ARHGEF1: variants seen among roughly 807,000 people sequenced by gnomAD.
The protein encoded by ARHGEF1 is Rho guanine nucleotide exchange factor 1, also known as 115 kDa guanine nucleotide exchange factor.
Under a neutral mutation model 119.7 loss-of-function variants are expected in ARHGEF1, and 40 were observed. That is an observed-to-expected ratio of 0.33 (90% CI 0.26 to 0.44). The LOEUF (loss-of-function observed/expected upper bound fraction) is 0.44. Ranked by LOEUF, ARHGEF1 falls within the 20% of genes least tolerant of loss-of-function variation. ARHGEF1 has a pLI of 1.00. For synonymous variants in ARHGEF1, 494 were observed against 521.0 expected (o/e 0.95, Z 0.71); for missense variants, 976 against 1,268.3 (o/e 0.77, Z 3.50).
Position 41,904,882 on chromosome 19 carries a change from G to T in ARHGEF1, c.2162-67G>T. ...CCACTGTGGGTGACTTCTCCAGCTT[G>T]TGCTTAGGGAGGGGCAGGCACTGGG... On this transcript the variant is annotated intron_variant, in intron 22 of 28. Transcript: ENST00000354532. This position sits in a 1 kb window ranked among gnomAD's most constrained non-coding sequence, Gnocchi z 8.4. The T allele has an allele frequency of 7.2e-7, 1 of 1,381,216 alleles. No homozygotes were observed. The allele number at this position is 1,381,216 out of a possible 1,614,324, so 85.6% of individuals were successfully genotyped here.
At chr19:41,896,033 G>A (rs1189476469) in intron 12 of ARHGEF1, among the ~76,000 whole-genome samples, 1 of 152,204 alleles carries the variant, frequency 6.6e-6, no homozygotes, top group Non-Finnish European at 1.5e-5. Flanking sequence ...TGGGGAGGAT[G>A]AATGGACGTG....
chr19:41,904,177 G>A lies in ARHGEF1; in HGVS notation c.1994-39G>A, dbSNP rs782161352. 20 of 1,612,536 alleles carry A rather than the reference G, an allele frequency of 1.2e-5. No individual in the cohort carries two copies. Among genetic ancestry groups the A allele is most frequent in the African/African-American group, 1.1e-4 (8 of 75,026 alleles). Reference sequence around the variant, plus strand: ...GTGAGCCAAGGGCGGGGAGGGGGTCGCGCGGGGGCACGCCGTGTGAGCACT... The same window carrying A: ...GTGAGCCAAGGGCGGGGAGGGGGTCACGCGGGGGCACGCCGTGTGAGCACT... On this transcript the variant is annotated intron_variant, in intron 21 of 28. Coordinates refer to ENST00000354532, the MANE Select transcript of ARHGEF1 (RefSeq NM_004706.4). This position sits in a 1 kb window ranked among gnomAD's most constrained non-coding sequence, Gnocchi z 8.4.
intron 12 of ARHGEF1, 38 bp from the exon 13 acceptor site, chr19:41,896,339 G>A (rs1406871608): frequency 6.9e-6 from 8 of 1,162,220 alleles, no homozygotes; most frequent in Non-Finnish European, 8.9e-6. Flanking sequence ...CGTGGCCGCA[G>A]AGGCCTTCCA....
chr19:41,914,290 C>G (rs2074773058), intron 18 of ARHGEF1, among the ~76,000 whole-genome samples: 1 of 151,174 alleles, frequency 6.6e-6, no homozygotes, highest in Non-Finnish European at 1.5e-5. Flanking sequence ...CTCTGTCTCT[C>G]CGGTCACTTG....
chr19:41,924,346 A>G (rs1445062868), intron 1 of ARHGEF1, among the ~76,000 whole-genome samples: 3 of 152,090 alleles, frequency 2.0e-5, no homozygotes, highest in Non-Finnish European at 4.4e-5. Context: ...TGGGACCTCA[A>G]AGAAACTCTC....
In ARHGEF1 at chr19:41,902,443, C is replaced by G; in HGVS notation, c.1497+87C>G. ...GTCCTGAGCCCACCCTACTCCAGTC[C>G]CAGGGTCTGGGCTTCCAGCCTGTCG... On this transcript the variant is annotated intron_variant, in intron 16 of 28. Transcript: ENST00000354532. This position sits in a 1 kb window ranked among gnomAD's most constrained non-coding sequence, Gnocchi z 6.5. The G allele has an allele frequency of 6.2e-7, 1 of 1,611,186 alleles. No individual in the cohort carries two copies. Among genetic ancestry groups the G allele is most frequent in the Non-Finnish European group, 8.5e-7 (1 of 1,178,642 alleles).
chr19:41,896,360 C>G lies in ARHGEF1; in HGVS notation c.1016-17C>G. On this transcript the variant is annotated splice_polypyrimidine_tract_variant and intron_variant, in intron 12 of 28. Coordinates refer to ENST00000354532, the MANE Select transcript of ARHGEF1 (RefSeq NM_004706.4). ...CGCAGAGGCCTTCCAGCCAGCCCTG[C>G]TCCCTCCACCCCACAGGTGCTGACG... 7.2e-7 allele frequency: 1 copy of G among 1,396,396 alleles called. No individual in the cohort carries two copies. Among genetic ancestry groups the G allele is most frequent in the Non-Finnish European group, 9.4e-7 (1 of 1,064,896 alleles). 86.5% of individuals were successfully genotyped at this position (1,396,396 alleles called of 1,614,324 possible).
chr19:41,923,960 TG>T (rs1314139938), intron 1 of ARHGEF1, among the ~76,000 whole-genome samples: 13 of 69,642 alleles, frequency 1.9e-4, no homozygotes, highest in South Asian at 1.6e-3. Context: ...GGGGCTGTGC[TG>T]GGGGGAGGTA....
chr19:41,915,077 G>A lies in ARHGEF1; in HGVS notation c.1866-8015G>A, dbSNP rs1468274034. Among the ~76,000 whole-genome samples, 21 of 78,040 alleles carry A rather than the reference G, an allele frequency of 2.7e-4. No individual in the cohort carries two copies. In the Admixed American group the frequency reaches 3.5e-3, roughly 13 times the overall value. 51.2% of individuals were successfully genotyped at this position (78,040 alleles called of 152,430 possible). ...CCCCCACACCTCTCCCCCACCCATC[G>A]CTCTCCCACCTCCCGCTCTCTTTGC... On this transcript the variant is annotated intron_variant, in intron 18 of 20. Transcript: ENST00000599589.
chr19:41,883,254 C>A lies in ARHGEF1; in HGVS notation c.-55C>A. The A allele has an allele frequency of 5.0e-6, 1 of 200,240 alleles. No homozygotes were observed. Among genetic ancestry groups the A allele is most frequent in the Non-Finnish European group, 1.1e-5 (1 of 88,778 alleles). 12.4% of individuals were successfully genotyped at this position (200,240 alleles called of 1,614,324 possible). On this transcript the variant is annotated 5_prime_UTR_variant, in exon 1 of 29. Coordinates refer to ENST00000354532, the MANE Select transcript of ARHGEF1 (RefSeq NM_004706.4). The surrounding 1 kb of genome is among the most constrained non-coding windows in gnomAD (Gnocchi z 7.6). The stretch of plus-strand genomic sequence containing the variant: ...GGCCCGGGATCGCCGAGCCCGACCT[C>A]GGGCGCCCCGCCGGTCACCTCCGCG...
At chr19:41,886,659 C>T (rs1474208140) in intron 1 of ARHGEF1, among the ~76,000 whole-genome samples, 1 of 152,252 alleles carries the variant, frequency 6.6e-6, no homozygotes, top group East Asian at 1.9e-4. Flanking sequence ...GGACAATACA[C>T]TTTGTGGGAA....
intron 13 of ARHGEF1, chr19:41,898,049 C>T (rs1192996892): frequency 5.2e-6 from 7 of 1,341,298 alleles, no homozygotes; most frequent in African/African-American, 1.5e-5. Flanking sequence ...GGGCCGCTCC[C>T]GGAGCGACGT....
At position 41,892,240 on chromosome 19, in the gene ARHGEF1, C is replaced by T. The variant is rs1248567317; in HGVS notation, c.325-91C>T. 7 of 1,585,024 alleles carry T rather than the reference C, an allele frequency of 4.4e-6. No individual in the cohort carries two copies. Among genetic ancestry groups the T allele is most frequent in the Non-Finnish European group, 6.0e-6 (7 of 1,157,382 alleles). On this transcript the variant is annotated intron_variant, in intron 5 of 28. Transcript: ENST00000354532. This position sits in a 1 kb window ranked among gnomAD's most constrained non-coding sequence, Gnocchi z 6.3. ...TGCTGACCCAGGCCTTCCCCAGCACCCTCGCTTAGACCAGGGTTCCTGGCA... is the reference window on the plus strand; with the variant it reads ...TGCTGACCCAGGCCTTCCCCAGCACTCTCGCTTAGACCAGGGTTCCTGGCA...
intron 1 of ARHGEF1, among the ~76,000 whole-genome samples, chr19:41,925,751 T>G (rs1555853203): frequency 6.6e-6 from 1 of 151,938 alleles, no homozygotes; most frequent in African/African-American, 2.4e-5. Context: ...ACCTTGGAAG[T>G]CAGGTACAGG....
Position 41,903,778 on chromosome 19 carries a change from G to A in ARHGEF1, c.1911G>A (p.Glu637=), listed in dbSNP as rs969562022. 20 of 1,613,020 alleles carry A rather than the reference G, an allele frequency of 1.2e-5. No individual in the cohort carries two copies. The highest frequency in any genetic ancestry group is 1.7e-5 in the Non-Finnish European group (20 of 1,179,992). ...AGAGCAGCGACCCTATGCTGAGCGA[G>A]TTCAAGGTGTGACCATACCCTCCTG... is the stretch of plus-strand genomic sequence containing the variant. ...LRQSSDPMLS[E]FKNLDITKKK... The change falls in exon 20 of 29, where the codon GAG becomes GAA. Residue 637 remains glutamate (E), a synonymous_variant. Coordinates refer to ENST00000354532, the MANE Select transcript of ARHGEF1 (RefSeq NM_004706.4). This position sits in a 1 kb window ranked among gnomAD's most constrained non-coding sequence, Gnocchi z 4.2.
Position 41,892,564 on chromosome 19 carries a change from C to A in ARHGEF1, c.368-39C>A. 1 of 1,565,788 alleles carries A rather than the reference C, an allele frequency of 6.4e-7. No homozygotes were observed. The highest frequency in any genetic ancestry group is 8.7e-7 in the Non-Finnish European group (1 of 1,151,272). On this transcript the variant is annotated intron_variant, in intron 6 of 28. Transcript: ENST00000354532. The surrounding 1 kb of genome is among the most constrained non-coding windows in gnomAD (Gnocchi z 6.3). Reference sequence around the variant, plus strand: ...GGGTGGGGACCGTGGTCCAAGCCACCAGGGAGCTGGACCCTAGCCCCCATG... The same window carrying A: ...GGGTGGGGACCGTGGTCCAAGCCACAAGGGAGCTGGACCCTAGCCCCCATG...
chr19:41,912,911 A>G (rs1015014014), intron 18 of ARHGEF1: 3 of 1,231,462 alleles, frequency 2.4e-6, no homozygotes, highest in Non-Finnish European at 3.0e-6. Context: ...AGACGCAGCT[A>G]CAGTCCATGG....
In ARHGEF1 at chr19:41,916,039, A is replaced by G. The variant is rs2074799456; in HGVS notation, c.1866-7053A>G. The stretch of plus-strand genomic sequence containing the variant: ...CACCCCCCCTTCGCCCCCCATCTCT[A>G]CCGCCCGCAGCCATGGCACCGAATG... On this transcript the variant is annotated intron_variant, in intron 18 of 20. Coordinates refer to the ARHGEF1 transcript ENST00000599589. This position sits in a 1 kb window ranked among gnomAD's most constrained non-coding sequence, Gnocchi z 5.4. 2.1e-5 allele frequency among the ~76,000 whole-genome samples: 3 copies of G among 141,912 alleles called. No homozygotes were observed. Among genetic ancestry groups the G allele is most frequent in the South Asian group, 2.3e-4 (1 of 4,406 alleles). The allele number at this position is 141,912 out of a possible 152,430, so 93.1% of individuals were successfully genotyped here.
chr19:41,907,464 G>T, downstream of ARHGEF1: 1 of 1,469,586 alleles, frequency 6.8e-7, no homozygotes, highest in Non-Finnish European at 9.0e-7. Context: ...ATCTGTGTGT[G>T]TGATGGCGGG....
Sources: gnomAD v4.1 joint callset for allele counts (sites outside exome capture counted in the v4.1 genomes callset) on GRCh38, gnomAD v4.1.1 for gene constraint, Gnocchi (gnomAD v3.1) non-coding constraint, MANE v1.5 for transcripts, NCBI Gene and HGNC (gene_info 2026-07-23, HGNC 2026-07-21) for gene names.